Variants in MTOR observed in about 807,000 individuals in gnomAD.
The protein encoded by MTOR is mechanistic target of rapamycin kinase.
MTOR carries 70 observed loss-of-function variants against 319.8 expected under a neutral mutation model. That is an observed-to-expected ratio of 0.22 (90% CI 0.18 to 0.27). The LOEUF (loss-of-function observed/expected upper bound fraction) is 0.27. Among genes scored for constraint, MTOR ranks in the 10% least tolerant of loss-of-function variants. The pLI is 1.00. For missense variants in MTOR, 1,890 were observed against 3,274.4 expected, an observed-to-expected ratio of 0.58 and a Z score of 10.32; for synonymous variants, 1,183 against 1,211.4, an observed-to-expected ratio of 0.98 and a Z score of 0.49.
chr1:11,215,519 T>A (rs2100804297), intron 20 of MTOR, among the ~76,000 whole-genome samples: 1 of 152,304 alleles, frequency 6.6e-6, no homozygotes, highest in East Asian at 1.9e-4. Flanking sequence ...TCCAACTCTT[T>A]GAGGACATGC....
At chr1:11,257,242 C>T (rs1650516044) in intron 3 of MTOR, 77 bp from the exon 4 acceptor site, 1 of 1,298,410 alleles carries the variant, frequency 7.7e-7, no homozygotes, top group African/African-American at 1.5e-5. Flanking sequence ...CAACTAAAAG[C>T]TGGTGAGTGC....
At chr1:11,231,173 A>C (rs932383784) in intron 17 of MTOR, 119 bp from the exon 18 acceptor site, 23 of 1,583,832 alleles carry the variant, frequency 1.5e-5, no homozygotes, top group Non-Finnish European at 1.6e-5. Flanking sequence ...GACCAGCTAC[A>C]TGAACAAAAT....
Position 11,212,542 on chromosome 1 carries a change from T to C in MTOR, c.3399-68A>G. 2.6e-6 allele frequency: 4 copies of C among 1,550,028 alleles called. No individual in the cohort carries two copies. The highest frequency in any genetic ancestry group is 3.5e-6 in the Non-Finnish European group (4 of 1,144,148). ...TCCAAGGAAGAGACGTGACTGAGGG[T>C]GAGCTTAACAATCAGCACCAAAGGG... On this transcript the variant is annotated intron_variant, in intron 22 of 57. Coordinates refer to ENST00000361445, the MANE Select transcript of MTOR (RefSeq NM_004958.4). This position sits in a 1 kb window ranked among gnomAD's most constrained non-coding sequence, Gnocchi z 4.1.
intron 11 of MTOR, among the ~76,000 whole-genome samples, chr1:11,239,137 G>C (rs1019964007): frequency 3.3e-5 from 5 of 152,094 alleles, no homozygotes; most frequent in African/African-American, 1.2e-4. Flanking sequence ...AAAGGGGGTG[G>C]TGAAGGAGCA....
intron 28 of MTOR, among the ~76,000 whole-genome samples, chr1:11,192,766 AAAG>A (rs1423425990): frequency 2.6e-5 from 4 of 151,270 alleles, no homozygotes; most frequent in South Asian, 2.1e-4. Context: ...AAAAAAAAAA[AAAG>A]GAAAACTCAA....
At chr1:11,260,853 G>A (rs1208529753) in intron 1 of MTOR, among the ~76,000 whole-genome samples, 1 of 148,120 alleles carries the variant, frequency 6.8e-6, no homozygotes, top group Non-Finnish European at 1.5e-5. Flanking sequence ...GCAGTGGCAT[G>A]ATCTCGGCTC....
intron 28 of MTOR, among the ~76,000 whole-genome samples, chr1:11,187,004 C>A (rs1329463870): frequency 1.3e-5 from 2 of 152,204 alleles, no homozygotes; most frequent in Admixed American, 6.5e-5. Context: ...GCTTCCAATA[C>A]AAACTTACGA....
rs772977080 is a variant in MTOR at position 11,146,717 on chromosome 1, C to G, written c.4645G>C (p.Val1549Leu). 1.2e-6 allele frequency: 2 copies of G among 1,614,106 alleles called. No homozygotes were observed. The highest frequency in any genetic ancestry group is 1.7e-5 in the Admixed American group (1 of 59,992). The change falls in exon 32 of 58, where the codon GTG becomes CTG. Residue 1549 changes from valine to leucine, a missense_variant. Val to Leu is a conservative substitution (Grantham distance 32, BLOSUM62 1). This residue lies in a region of MTOR where 276 missense variants were observed against 459.4 expected (regional missense o/e 0.60). Coordinates refer to ENST00000361445, the MANE Select transcript of MTOR (RefSeq NM_004958.4). Reference sequence around the variant, plus strand: ...AAGAGGTCCTGATGCAGTGCCAGCACAGCTCTATAAAATGCCCCATCATGG... The same window carrying G: ...AAGAGGTCCTGATGCAGTGCCAGCAGAGCTCTATAAAATGCCCCATCATGG... The part of the protein sequence containing the change: ...DTHDGAFYRA[V>L]LALHQDLFSL...
At chr1:11,262,026 A>T (rs965643392) in intron 1 of MTOR, among the ~76,000 whole-genome samples, 3 of 152,182 alleles carry the variant, frequency 2.0e-5, no homozygotes, top group Non-Finnish European at 4.4e-5. Flanking sequence ...CAACGATGTA[A>T]CCAAGCTCAG....
At chr1:11,209,265 GAA>G (rs1646237500) in intron 25 of MTOR, 45 bp downstream of exon 25, 1 of 1,610,832 alleles carries the variant, frequency 6.2e-7, no homozygotes, top group Admixed American at 1.7e-5. Flanking sequence ...GAGTAAGTGA[GAA>G]GAGCAGAGCT....
In MTOR at chr1:11,259,355, C is replaced by T. The variant is rs2100986456; in HGVS notation, c.55G>A (p.Val19Met). 10 of 1,608,502 alleles carry T rather than the reference C, an allele frequency of 6.2e-6. No homozygotes were observed. The highest frequency in any genetic ancestry group is 7.6e-6 in the Non-Finnish European group (9 of 1,178,118). The change falls in exon 2 of 58, where the codon GTG becomes ATG. Residue 19 changes from valine to methionine, a missense_variant. Physicochemically the swap from Val to Met is conservative, Grantham distance 21. Around this residue, in one of 15 missense-constraint regions of MTOR, gnomAD observed 85 missense variants for 105.8 expected, o/e 0.80. Transcript: ENST00000361445. ...CTGGCAAACTGCTGCAGGACGCTCACATTGCTAGATGTGGTGGCAGCGGTG... is the reference window on the plus strand; with the variant it reads ...CTGGCAAACTGCTGCAGGACGCTCATATTGCTAGATGTGGTGGCAGCGGTG... ...ATTAATTSSN[V>M]SVLQQFASGL...
In MTOR at chr1:11,114,301, C is replaced by G. The variant is rs1343501329; in HGVS notation, c.7300+17G>C. The G allele has an allele frequency of 6.2e-7, 1 of 1,613,124 alleles. No homozygotes were observed. Among genetic ancestry groups the G allele is most frequent in the Non-Finnish European group, 8.5e-7 (1 of 1,179,680 alleles). ...TGAGCCACTGAGCTCAGCTCCCAGG[C>G]ACTTGATGATACTCACTGTCCATCA... On this transcript the variant is annotated intron_variant, in intron 53 of 57. Transcript: ENST00000361445.
chr1:11,243,367 AG>A, intron 8 of MTOR, 67 bp from the exon 9 acceptor site: 1 of 1,436,852 alleles, frequency 7.0e-7, no homozygotes, highest in African/African-American at 1.4e-5. Flanking sequence ...CAACAGTCAA[AG>A]GTCCTATAAA....
chr1:11,223,772 G>C (rs536763647), intron 19 of MTOR, among the ~76,000 whole-genome samples: 9 of 152,242 alleles, frequency 5.9e-5, no homozygotes, highest in Admixed American at 5.2e-4. Context: ...AGGTGCAGTG[G>C]TTCACACCTG....
At chr1:11,187,153 C>G (rs1645345596) in intron 28 of MTOR, among the ~76,000 whole-genome samples, 1 of 152,180 alleles carries the variant, frequency 6.6e-6, no homozygotes, top group Non-Finnish European at 1.5e-5. Flanking sequence ...TAAACAAAAG[C>G]TGGCTAGAAC....
At chr1:11,143,873 A>G (rs1463665114) in intron 34 of MTOR, 2 of 152,108 alleles carry the variant, frequency 1.3e-5, no homozygotes, top group African/African-American at 4.8e-5. Context: ...TTTGCTGATG[A>G]ACTTCCTATC....
In MTOR at chr1:11,128,389, G is replaced by A; in HGVS notation, c.5910+65C>T. The A allele has an allele frequency of 6.5e-7, 1 of 1,527,306 alleles. No homozygotes were observed. Among genetic ancestry groups the A allele is most frequent in the Non-Finnish European group, 9.1e-7 (1 of 1,103,236 alleles). 94.6% of individuals were successfully genotyped at this position (1,527,306 alleles called of 1,614,324 possible). On this transcript the variant is annotated intron_variant, in intron 42 of 57. Transcript: ENST00000361445. The surrounding 1 kb of genome is among the most constrained non-coding windows in gnomAD (Gnocchi z 5.3). ...TTCCTGCGCTTGTGTCGCCAGGGCA[G>A]CTTTTGGAAAGGCTGACCACCAAAC...
At chr1:11,204,996 G>A (rs144144298) in intron 25 of MTOR, among the ~76,000 whole-genome samples, 1 of 152,208 alleles carries the variant, frequency 6.6e-6, no homozygotes, top group Non-Finnish European at 1.5e-5. Context: ...GGGTGCATTC[G>A]ACAAAGCCTA....
chr1:11,161,501 G>GACCCCCCAGTAGCCTAACTGGGAGGC (rs1371131840), intron 29 of MTOR, among the ~76,000 whole-genome samples: 10 of 152,208 alleles, frequency 6.6e-5, no homozygotes, highest in South Asian at 2.1e-4. Context: ...GTGGGTCTCT[G>GACCCCCCAGTAGCCTAACTGGGAGGC]ACCCCCCAGT....
Sources: gnomAD v4.1 joint callset for allele counts (sites outside exome capture counted in the v4.1 genomes callset) on GRCh38, gnomAD v4.1.1 for gene constraint, gnomAD v4.1.1 regional missense constraint, Gnocchi (gnomAD v3.1) non-coding constraint, MANE v1.5 for transcripts, NCBI Gene and HGNC (gene_info 2026-07-23, HGNC 2026-07-21) for gene names.